CNTN5: variants seen among roughly 807,000 people sequenced by gnomAD.
CNTN5 encodes the protein contactin 5, also known as contactin-5.
CNTN5 carries 77 observed loss-of-function variants against 129.1 expected under a neutral mutation model. The ratio of observed to expected loss-of-function variants is 0.60; its 90% CI spans 0.50 to 0.72. The LOEUF is 0.72. Among genes scored for constraint, CNTN5 ranks in the 30% least tolerant of loss-of-function variants. CNTN5 has a pLI of 0.00. For missense variants in CNTN5, 1,478 were observed against 1,328.8 expected, an observed-to-expected ratio of 1.11 and a Z score of -1.75; for synonymous variants, 509 against 465.6, an observed-to-expected ratio of 1.09 and a Z score of -1.20.
At chr11:99,934,939 TATATATATAC>T (rs55829254) in intron 7 of CNTN5, among the ~76,000 whole-genome samples, 5,919 of 87,940 alleles carry the variant, frequency 0.067, 282 homozygotes, top group East Asian at 0.15. Context: ...TATATATATA[TATATATATAC>T]ACACACATAT....
chr11:100,244,167 C>G (rs115073331), intron 16 of CNTN5, among the ~76,000 whole-genome samples: 2 of 152,142 alleles, frequency 1.3e-5, no homozygotes, highest in Non-Finnish European at 2.9e-5. Context: ...CCTTTATGGA[C>G]TCTTGGTTCT....
chr11:99,289,483 T>G (rs926543550), intron 1 of CNTN5, among the ~76,000 whole-genome samples: 2 of 151,744 alleles, frequency 1.3e-5, no homozygotes, highest in Non-Finnish European at 3.0e-5. Flanking sequence ...CTGGCAAATT[T>G]TATTCACTTA....
chr11:99,541,544 C>G (rs1238879777), intron 2 of CNTN5, among the ~76,000 whole-genome samples: 1 of 152,110 alleles, frequency 6.6e-6, no homozygotes, highest in Admixed American at 6.6e-5. Flanking sequence ...TGACCTGCAG[C>G]TCTGACACCT....
intron 3 of CNTN5, among the ~76,000 whole-genome samples, chr11:99,583,508 T>G (rs1949686558): frequency 6.6e-6 from 1 of 152,238 alleles, no homozygotes; most frequent in Admixed American, 6.5e-5. Context: ...GTTTACCTAC[T>G]CAAGCCTGAG....
chr11:99,636,640 T>A (rs1951566410), intron 3 of CNTN5, among the ~76,000 whole-genome samples: 1 of 152,010 alleles, frequency 6.6e-6, no homozygotes, highest in African/African-American at 2.4e-5. Context: ...TTGCCTGTGT[T>A]CTTCTACTAA....
chr11:99,512,579 C>A (rs1324355953), intron 2 of CNTN5, among the ~76,000 whole-genome samples: 1 of 152,082 alleles, frequency 6.6e-6, no homozygotes, highest in South Asian at 2.1e-4. Context: ...TCTGTTAGTG[C>A]CATTTTTTCA....
chr11:99,037,583 T>TC (rs1450513006), intron 1 of CNTN5, among the ~76,000 whole-genome samples: 2 of 142,282 alleles, frequency 1.4e-5, no homozygotes, highest in East Asian at 3.9e-4. Context: ...TTTCTTTTTT[T>TC]TTTTTTTTTT....
intron 3 of CNTN5, among the ~76,000 whole-genome samples, chr11:99,681,683 G>T (rs1006086908): frequency 3.9e-4 from 59 of 152,084 alleles, no homozygotes; most frequent in African/African-American, 1.4e-3. Flanking sequence ...CATTGCAGTT[G>T]TCTAGAACTA....
At chr11:99,184,901 G>A (rs1463856236) in intron 1 of CNTN5, among the ~76,000 whole-genome samples, 1 of 151,936 alleles carries the variant, frequency 6.6e-6, no homozygotes, top group Non-Finnish European at 1.5e-5. Context: ...CTAGTCATTG[G>A]TTTTGAAATT....
chr11:99,443,723 T>C (rs1277051075), intron 2 of CNTN5, among the ~76,000 whole-genome samples: 1 of 152,180 alleles, frequency 6.6e-6, no homozygotes, highest in Non-Finnish European at 1.5e-5. Flanking sequence ...CAGGTGGTTT[T>C]CTAGGAAGTG....
At chr11:99,255,838 G>T (rs549638651) in intron 1 of CNTN5, among the ~76,000 whole-genome samples, 6 of 149,536 alleles carry the variant, frequency 4.0e-5, no homozygotes, top group Non-Finnish European at 8.9e-5. Flanking sequence ...ACATGCACAC[G>T]CACACACACA....
intron 7 of CNTN5, among the ~76,000 whole-genome samples, chr11:99,941,762 T>A (rs2136113501): frequency 6.6e-6 from 1 of 152,046 alleles, no homozygotes; most frequent in Non-Finnish European, 1.5e-5. Flanking sequence ...AGGTAAAAAT[T>A]ATTGCACGTG....
chr11:99,366,573 A>G (rs7127320), intron 2 of CNTN5, among the ~76,000 whole-genome samples: 23,567 of 152,116 alleles, frequency 0.15, 2,803 homozygotes, highest in African/African-American at 0.34. Flanking sequence ...TAATAGTTAT[A>G]ATTAAAAATC....
intron 1 of CNTN5, among the ~76,000 whole-genome samples, chr11:99,172,724 C>T (rs1201645401): frequency 6.6e-6 from 1 of 152,148 alleles, no homozygotes; most frequent in Admixed American, 6.6e-5. Flanking sequence ...AAGTTGACTT[C>T]TAGAAGGACA....
chr11:100,244,259 T>C (rs960638551), intron 16 of CNTN5, among the ~76,000 whole-genome samples: 8 of 152,218 alleles, frequency 5.3e-5, no homozygotes, highest in African/African-American at 1.2e-4. Flanking sequence ...TGTTTACTTA[T>C]TCCCTTTTTC....
At chr11:99,349,346 A>G (rs928904152) in intron 2 of CNTN5, among the ~76,000 whole-genome samples, 1 of 152,166 alleles carries the variant, frequency 6.6e-6, no homozygotes, top group African/African-American at 2.4e-5. Flanking sequence ...AATATCTGGC[A>G]GAGATATAGA....
At chr11:100,302,194 A>G (rs1185812344) in intron 20 of CNTN5, among the ~76,000 whole-genome samples, 5 of 151,590 alleles carry the variant, frequency 3.3e-5, no homozygotes, top group Non-Finnish European at 5.9e-5. Context: ...TGCTTTACTT[A>G]AAAAGGAGTG....
intron 2 of CNTN5, among the ~76,000 whole-genome samples, chr11:99,353,972 C>T (rs920301834): frequency 6.6e-6 from 1 of 152,184 alleles, no homozygotes; most frequent in Middle Eastern, 3.4e-3. Flanking sequence ...TGTAGTTTGG[C>T]CAGATTGGCA....
Position 99,788,936 on chromosome 11 carries a change from G to A in CNTN5, c.56-30608G>A, listed in dbSNP as rs183068475. 1.2e-4 allele frequency among the ~76,000 whole-genome samples: 18 copies of A among 151,608 alleles called. No homozygotes were observed. In the East Asian group the frequency reaches 3.3e-3, roughly 28 times the overall value. ...GTGTTAGCTGACTTTCTGAAAAAAC[G>A]TTTCCAATAAGAGCCTCTCAAAATC... On this transcript the variant is annotated intron_variant, in intron 3 of 24. Transcript: ENST00000524871.
Sources: gnomAD v4.1 joint callset for allele counts (sites outside exome capture counted in the v4.1 genomes callset) on GRCh38, gnomAD v4.1.1 for gene constraint, MANE v1.5 for transcripts, NCBI Gene and HGNC (gene_info 2026-07-23, HGNC 2026-07-21) for gene names.